The following ANO4 variants were observed in gnomAD, a reference collection of about 807,000 sequenced individuals.
ANO4 encodes anoctamin-4.
Under a neutral mutation model 141.9 loss-of-function variants are expected in ANO4, and 69 were observed. The ratio of observed to expected loss-of-function variants is 0.49; its 90% confidence interval spans 0.40 to 0.59. The LOEUF (loss-of-function observed/expected upper bound fraction) is 0.59. Among genes scored for constraint, ANO4 ranks in the 20% least tolerant of loss-of-function variants. ANO4 has a pLI of 0.00. For synonymous variants in ANO4, 350 were observed against 394.3 expected (o/e 0.89, Z 1.33); for missense variants, 894 against 1,162.2 (o/e 0.77, Z 3.36).
intron 5 of ANO4, among the ~76,000 whole-genome samples, chr12:100,957,455 A>G (rs576580359): frequency 1.3e-5 from 2 of 152,326 alleles, no homozygotes; most frequent in East Asian, 3.9e-4. Context: ...GTGACATTTC[A>G]ACATGAGTTA....
intron 15 of ANO4, among the ~76,000 whole-genome samples, chr12:101,082,099 G>A (rs770447756): frequency 4.6e-5 from 7 of 152,154 alleles, no homozygotes; most frequent in Non-Finnish European, 1.0e-4. Flanking sequence ...TTTAGTTGTA[G>A]CTCCCATAAT....
At chr12:101,104,609 GTGTGTGTATGTATGTGTGTA>G (rs1264137358) in intron 22 of ANO4, among the ~76,000 whole-genome samples, 14 of 69,916 alleles carry the variant, frequency 2.0e-4, no homozygotes, top group Non-Finnish European at 2.6e-4. Context: ...GTGTGTGTGT[GTGTGTGTATGTATGTGTGTA>G]TATATATATA....
intron 1 of ANO4, among the ~76,000 whole-genome samples, chr12:100,827,788 T>G (rs2036433785): frequency 6.6e-6 from 1 of 152,010 alleles, no homozygotes; most frequent in African/African-American, 2.4e-5. Context: ...AGTCCAGCCA[T>G]TGCAGATGCA....
chr12:100,736,132 C>T (rs1016588716), intron 2 of ANO4, among the ~76,000 whole-genome samples: 31 of 152,086 alleles, frequency 2.0e-4, no homozygotes, highest in African/African-American at 7.0e-4. Context: ...GTGAGAGCCA[C>T]GTGAGTGGGT....
chr12:100,861,104 C>T (rs1011484105), intron 1 of ANO4, among the ~76,000 whole-genome samples: 3 of 152,166 alleles, frequency 2.0e-5, no homozygotes, highest in African/African-American at 7.2e-5. Context: ...CACCCATGTC[C>T]TGCTGATTGG....
chr12:100,794,234 G>A (rs574828016), upstream of ANO4, among the ~76,000 whole-genome samples: 1 of 152,272 alleles, frequency 6.6e-6, no homozygotes, highest in South Asian at 2.1e-4. Flanking sequence ...TAGGTCCAAA[G>A]CGCCATTACT....
chr12:100,815,083 G>A (rs1250756891), intron 1 of ANO4, among the ~76,000 whole-genome samples: 1 of 152,084 alleles, frequency 6.6e-6, no homozygotes, highest in Non-Finnish European at 1.5e-5. Context: ...GAGAGGGCAT[G>A]AGCAAGTGCA....
chr12:101,126,092 A>G (rs2051302540), intron 26 of ANO4, among the ~76,000 whole-genome samples: 2 of 152,320 alleles, frequency 1.3e-5, no homozygotes, highest in South Asian at 2.1e-4. Context: ...GTTATTAACT[A>G]TTTGAAAATA....
At chr12:101,028,831 C>A (rs769416376) in intron 9 of ANO4, among the ~76,000 whole-genome samples, 1 of 152,074 alleles carries the variant, frequency 6.6e-6, no homozygotes, top group Non-Finnish European at 1.5e-5. Context: ...ATACAGAGAA[C>A]ACCACTAAAG....
chr12:100,847,755 G>A (rs1452018954), intron 1 of ANO4, among the ~76,000 whole-genome samples: 1 of 152,238 alleles, frequency 6.6e-6, no homozygotes, highest in African/African-American at 2.4e-5. Context: ...ACAGGCGTGA[G>A]CCAAGATGAA....
intron 25 of ANO4, among the ~76,000 whole-genome samples, chr12:101,118,202 C>G (rs576249960): frequency 4.3e-4 from 65 of 152,078 alleles, no homozygotes; most frequent in Non-Finnish European, 6.9e-4. Flanking sequence ...TGAAATGCTT[C>G]AAAATAAAAT....
Position 101,048,012 on chromosome 12 carries a change from A to G in ANO4, c.1252-329A>G, listed in dbSNP as rs949033176. 2.1e-5 allele frequency: 22 copies of G among 1,037,606 alleles called. No individual in the cohort carries two copies. In the African/African-American group the frequency reaches 3.7e-4, roughly 17 times the overall value. 64.3% of individuals were successfully genotyped at this position (1,037,606 alleles called of 1,614,324 possible). A position where few individuals can be genotyped will look rare whatever the true frequency, so the allele number is the denominator to read the frequency against. ...TAACAATACCTTCCTGGTCCTAAAT[A>G]TAACTATATCCATACACATATGTAC... On this transcript the variant is annotated intron_variant, in intron 13 of 27. Coordinates refer to ENST00000392977, the MANE Select transcript of ANO4 (RefSeq NM_001286615.2).
rs73379497 is a variant in ANO4 at position 101,102,949 on chromosome 12, G to A, written c.2149+3229G>A. ...AAATTTAGATTAGAGTTGTTTCTAG[G>A]CACCTTAGGAATCTTTGTGCAACTG... On this transcript the variant is annotated intron_variant, in intron 22 of 27. Coordinates refer to ENST00000392977, the MANE Select transcript of ANO4 (RefSeq NM_001286615.2). Among the ~76,000 whole-genome samples the A allele has an allele frequency of 5.0e-3, 758 of 151,330 alleles. 12 individuals are homozygous for A. Among genetic ancestry groups the A allele is most frequent in the African/African-American group, 0.018 (729 of 41,314 alleles).
intron 26 of ANO4, among the ~76,000 whole-genome samples, chr12:101,121,907 A>G (rs1417574728): frequency 6.6e-6 from 1 of 151,604 alleles, no homozygotes; most frequent in East Asian, 1.9e-4. Flanking sequence ...GATTACAGGC[A>G]CCCGCTACCA....
At chr12:100,805,385 A>C (rs928978369) in intron 1 of ANO4, among the ~76,000 whole-genome samples, 1 of 152,108 alleles carries the variant, frequency 6.6e-6, no homozygotes, top group Non-Finnish European at 1.5e-5. Flanking sequence ...CGGTAGTGTG[A>C]TGTCTCCAGC....
intron 9 of ANO4, among the ~76,000 whole-genome samples, chr12:101,023,592 G>C (rs1317456097): frequency 2.6e-5 from 4 of 152,166 alleles, no homozygotes. Context: ...GATTACTTCT[G>C]GGAGGTCAAG....
intron 4 of ANO4, among the ~76,000 whole-genome samples, chr12:100,942,069 C>A (rs947697726): frequency 6.6e-6 from 1 of 151,676 alleles, no homozygotes; most frequent in Non-Finnish European, 1.5e-5. Flanking sequence ...CAACCTCCAC[C>A]TCCCAGGTTC....
chr12:101,030,806 C>T (rs2046943306), intron 9 of ANO4, among the ~76,000 whole-genome samples: 1 of 152,000 alleles, frequency 6.6e-6, no homozygotes, highest in African/African-American at 2.4e-5. Context: ...ACTACTAACA[C>T]CTCTATGCAA....
chr12:100,725,459 G>A (rs993136987), intron 1 of ANO4, among the ~76,000 whole-genome samples: 6 of 148,568 alleles, frequency 4.0e-5, no homozygotes, highest in South Asian at 2.1e-4. Context: ...CCATTCTCCT[G>A]CCTCAGCCTC....
Sources: allele counts gnomAD v4.1 joint callset (sites outside exome capture counted in the v4.1 genomes callset), GRCh38; gene constraint gnomAD v4.1.1; transcripts MANE v1.5; gene names NCBI Gene and HGNC (gene_info 2026-07-23, HGNC 2026-07-21).